COL4A3: variants seen among roughly 807,000 people sequenced by gnomAD.
COL4A3 encodes collagen alpha-3(IV) chain.
A neutral mutation model predicts 217.4 loss-of-function variants in COL4A3; 135 were observed. The observed-to-expected ratio is 0.62, with a 90% confidence interval of 0.54 to 0.72. The LOEUF is 0.72. COL4A3 is among the 30% of genes least tolerant of loss of function. The pLI is 0.00. For missense variants in COL4A3, 1,868 were observed against 2,119.9 expected, an observed-to-expected ratio of 0.88 and a Z score of 2.33; for synonymous variants, 690 against 736.3, an observed-to-expected ratio of 0.94 and a Z score of 1.02.
chr2:227,175,329 G>T (rs1049430278), intron 1 of COL4A3, among the ~76,000 whole-genome samples: 1 of 152,010 alleles, frequency 6.6e-6, no homozygotes, highest in African/African-American at 2.4e-5. Context: ...AAATTAGCCG[G>T]GCATGGCAGC....
chr2:227,307,563 T>C lies in COL4A3; in HGVS notation c.4253-147T>C, dbSNP rs1005406865. ...AACTGCTTAACATTTAATAATACTG[T>C]TTGGCCATTTTTATAAGCCACTCTT... On this transcript the variant is annotated intron_variant, in intron 47 of 51. Coordinates refer to ENST00000396578, the MANE Select transcript of COL4A3 (RefSeq NM_000091.5). 1.0e-5 allele frequency: 7 copies of C among 685,982 alleles called. No individual in the cohort carries two copies. In the Admixed American group the frequency reaches 1.2e-4, roughly 12 times the overall value. 42.5% of individuals were successfully genotyped at this position (685,982 alleles called of 1,614,324 possible).
Position 227,294,508 on chromosome 2 carries a change from G to T in COL4A3, c.3356G>T (p.Gly1119Val). 2 of 1,613,122 alleles carry T rather than the reference G, an allele frequency of 1.2e-6. No individual in the cohort carries two copies. Among genetic ancestry groups the T allele is most frequent in the Non-Finnish European group, 1.7e-6 (2 of 1,179,116 alleles). Residue 1119 changes from glycine to valine, a missense_variant, in exon 39 of 52, where the codon GGT (glycine) becomes GTT (valine). By Grantham distance (109) the Gly-to-Val change is moderately radical. This residue lies in a region of COL4A3 where 1,503 missense variants were observed against 1,786.1 expected (regional missense o/e 0.84). Coordinates refer to ENST00000396578, the MANE Select transcript of COL4A3 (RefSeq NM_000091.5). ...TTTCCAGGAAAGCCAGGTCCTCATG[G>T]TGATTTGGGTTTTAAAGGAATCAAA... Reference protein sequence around the residue: ...PGLPGKPGPHGDLGFKGIKGL... With the variant: ...PGLPGKPGPHVDLGFKGIKGL...
chr2:227,287,724 T>C lies in COL4A3; in HGVS notation c.2882-1426T>C, dbSNP rs529805200. On this transcript the variant is annotated intron_variant, in intron 34 of 51. Coordinates refer to ENST00000396578, the MANE Select transcript of COL4A3 (RefSeq NM_000091.5). ...CACCCAATTAGTTTTCATTTGGTCT[T>C]CAAGACTGAGCTAAAAAATACCACC... Among the ~76,000 whole-genome samples the C allele has an allele frequency of 4.9e-4, 75 of 152,350 alleles. 1 individual carries two copies. The Middle Eastern group carries it at 0.01, about 21-fold the overall frequency.
At chr2:227,277,206 C>T (rs1448629836) in intron 27 of COL4A3, among the ~76,000 whole-genome samples, 1 of 151,746 alleles carries the variant, frequency 6.6e-6, no homozygotes, top group Non-Finnish European at 1.5e-5. Context: ...GTGGTCCCAG[C>T]TACTCGGGAG....
intron 1 of COL4A3, among the ~76,000 whole-genome samples, chr2:227,167,322 C>A (rs1484455285): frequency 6.6e-6 from 1 of 152,242 alleles, no homozygotes; most frequent in Non-Finnish European, 1.5e-5. Context: ...TCCACCCACA[C>A]AATTTGGACT....
chr2:227,213,938 A>G (rs2067429446), intron 1 of COL4A3, among the ~76,000 whole-genome samples: 1 of 151,006 alleles, frequency 6.6e-6, no homozygotes, highest in South Asian at 2.1e-4. Flanking sequence ...AAAAGAAAAA[A>G]CACCGTACAT....
In COL4A3 at chr2:227,247,546, C is replaced by CT. The variant is rs1365960254; in HGVS notation, c.442-6dup. On this transcript the variant is annotated splice_polypyrimidine_tract_variant and intron_variant, in intron 7 of 51. Transcript: ENST00000396578. Reference sequence around the variant, plus strand: ...TATTCCTCTAGTTGTTCATAGGTTGCTTTTTTCCTAGGGTGCTGCTGGTTT... The same window carrying CT: ...TATTCCTCTAGTTGTTCATAGGTTGCTTTTTTTCCTAGGGTGCTGCTGGTTT... 1.9e-6 allele frequency: 3 copies of CT among 1,613,880 alleles called. No homozygotes were observed. Among genetic ancestry groups the CT allele is most frequent in the African/African-American group, 1.3e-5 (1 of 74,954 alleles).
intron 34 of COL4A3, among the ~76,000 whole-genome samples, chr2:227,288,085 G>A (rs1189056434): frequency 1.3e-5 from 2 of 152,120 alleles, no homozygotes; most frequent in African/African-American, 2.4e-5. Flanking sequence ...AAGTAATAGA[G>A]ATTCAGTGAC....
At chr2:227,186,060 G>A (rs2066020897) in intron 1 of COL4A3, among the ~76,000 whole-genome samples, 4 of 152,240 alleles carry the variant, frequency 2.6e-5, no homozygotes, top group Admixed American at 2.0e-4. Context: ...CATGGGAGTG[G>A]ACAGTAATTT....
chr2:227,237,679 A>C (rs2068777169), intron 1 of COL4A3: 2 of 323,580 alleles, frequency 6.2e-6, no homozygotes, highest in African/African-American at 4.3e-5. Flanking sequence ...GGTAATTAAA[A>C]GTAATGGCAA....
At chr2:227,305,262 C>T (rs1574836172) in intron 47 of COL4A3, among the ~76,000 whole-genome samples, 179 bp downstream of exon 47, 1 of 152,194 alleles carries the variant, frequency 6.6e-6, no homozygotes, top group East Asian at 1.9e-4. Context: ...TATTGGAACA[C>T]AGTATTTTTC....
chr2:227,294,936 G>A, intron 39 of COL4A3, 28 bp from the exon 40 acceptor site: 9 of 1,463,808 alleles, frequency 6.1e-6, no homozygotes, highest in Non-Finnish European at 8.3e-6. Flanking sequence ...ATAGTTTGGG[G>A]TTTTTGGGTT....
intron 28 of COL4A3, among the ~76,000 whole-genome samples, 177 bp downstream of exon 28, chr2:227,277,730 T>C (rs2071669779): frequency 6.6e-6 from 1 of 152,186 alleles, no homozygotes. Context: ...CCAGGCGCAG[T>C]GGCTAATGCC....
At chr2:227,206,445 G>A (rs2067104726) in intron 1 of COL4A3, among the ~76,000 whole-genome samples, 1 of 152,184 alleles carries the variant, frequency 6.6e-6, no homozygotes, top group South Asian at 2.1e-4. Flanking sequence ...TGGTTCTGAA[G>A]ATCGAATGAG....
intron 5 of COL4A3, among the ~76,000 whole-genome samples, 168 bp downstream of exon 5, chr2:227,245,163 G>A (rs1010677107): frequency 6.6e-6 from 1 of 152,098 alleles, no homozygotes; most frequent in African/African-American, 2.4e-5. Context: ...TATGACATAT[G>A]AGTCAAAATG....
At chr2:227,179,386 A>C (rs2065798417) in intron 1 of COL4A3, among the ~76,000 whole-genome samples, 2 of 147,784 alleles carry the variant, frequency 1.4e-5, no homozygotes, top group Non-Finnish European at 3.0e-5. Flanking sequence ...ATGAGACTTA[A>C]AAAAAGCATC....
Position 227,293,716 on chromosome 2 carries a change from A to G in COL4A3, c.3337+399A>G, listed in dbSNP as rs55782901. ...AGGCTGAGAAGTGATTAGGTGGCTT[A>G]AACTACAGATGTTTATTTTCTCACA... On this transcript the variant is annotated intron_variant, in intron 38 of 51. Coordinates refer to ENST00000396578, the MANE Select transcript of COL4A3 (RefSeq NM_000091.5). 3.2e-5 allele frequency: 15 copies of G among 474,214 alleles called. No individual in the cohort carries two copies. In the East Asian group the frequency reaches 1.0e-3, roughly 33 times the overall value. 29.4% of individuals were successfully genotyped at this position (474,214 alleles called of 1,614,324 possible). A position where few individuals can be genotyped will look rare whatever the true frequency, so the allele number is the denominator to read the frequency against.
chr2:227,274,874 T>C (rs981060662), intron 26 of COL4A3, among the ~76,000 whole-genome samples: 1 of 152,240 alleles, frequency 6.6e-6, no homozygotes, highest in African/African-American at 2.4e-5. Flanking sequence ...CACTGCCTGA[T>C]TTTGTATGAT....
intron 19 of COL4A3, chr2:227,260,111 A>C (rs777562268): frequency 5.8e-6 from 4 of 684,926 alleles, no homozygotes; most frequent in South Asian, 5.6e-5. Context: ...ATAAAGTTCA[A>C]ATCTGTCATG....
Sources: allele counts gnomAD v4.1 joint callset (sites outside exome capture counted in the v4.1 genomes callset), GRCh38; gene constraint gnomAD v4.1.1; regional missense constraint gnomAD v4.1.1; transcripts MANE v1.5; gene names NCBI Gene and HGNC (gene_info 2026-07-23, HGNC 2026-07-21).